IMMP2L: variants seen among roughly 807,000 people sequenced by gnomAD.
The protein encoded by IMMP2L is inner mitochondrial membrane peptidase subunit 2, also known as mitochondrial inner membrane protease subunit 2.
In IMMP2L, 18 loss-of-function variants were observed where a neutral mutation model predicts 19.3. The observed-to-expected ratio is 0.93, with a 90% CI of 0.64 to 1.38. The LOEUF is 1.38. IMMP2L is among the 40% of genes most tolerant of loss of function. The pLI is 0.00. For synonymous variants in IMMP2L, 76 were observed against 73.0 expected (o/e 1.04, Z -0.21); for missense variants, 233 against 218.2 (o/e 1.07, Z -0.43).
In IMMP2L at chr7:111,025,154, C is replaced by T. The variant is rs561872900; in HGVS notation, c.240-61589G>A. 5.5e-4 allele frequency among the ~76,000 whole-genome samples: 84 copies of T among 152,236 alleles called. No individual in the cohort carries two copies. In the East Asian group the frequency reaches 0.014, roughly 25 times the overall value. On this transcript the variant is annotated intron_variant, in intron 3 of 5. Transcript: ENST00000405709. ...TACCACTTCTTAGCTTCCAACACAG[C>T]ACTTTGAACTTTGAACAAACCAGAA... is the stretch of plus-strand genomic sequence containing the variant.
At chr7:111,061,788 A>G (rs1794042220) in intron 3 of IMMP2L, among the ~76,000 whole-genome samples, 1 of 152,224 alleles carries the variant, frequency 6.6e-6, no homozygotes, top group Admixed American at 6.5e-5. Flanking sequence ...CAATGATTTC[A>G]TTGATTTACA....
At chr7:111,222,629 G>A (rs751110787) in intron 3 of IMMP2L, among the ~76,000 whole-genome samples, 13 of 151,668 alleles carry the variant, frequency 8.6e-5, no homozygotes, top group African/African-American at 1.5e-4. Context: ...GATGATATTT[G>A]GATATATTAA....
intron 5 of IMMP2L, among the ~76,000 whole-genome samples, chr7:110,672,354 ACATGT>A (rs1157491317): frequency 6.6e-6 from 1 of 152,084 alleles, no homozygotes; most frequent in African/African-American, 2.4e-5. Context: ...CCCTCCCATG[ACATGT>A]GGGGATTGTG....
At chr7:110,762,561 C>T (rs1042225823) in intron 5 of IMMP2L, among the ~76,000 whole-genome samples, 2 of 152,150 alleles carry the variant, frequency 1.3e-5, no homozygotes, top group African/African-American at 2.4e-5. Flanking sequence ...TGTATTTATC[C>T]TTCACTCTTT....
intron 3 of IMMP2L, among the ~76,000 whole-genome samples, chr7:111,258,995 A>G (rs560126771): frequency 6.6e-6 from 1 of 152,288 alleles, no homozygotes; most frequent in South Asian, 2.1e-4. Flanking sequence ...CATGTAGGCT[A>G]TAAGGTATAG....
intron 5 of IMMP2L, among the ~76,000 whole-genome samples, chr7:110,730,669 C>T (rs777618053): frequency 7.9e-5 from 12 of 152,052 alleles, no homozygotes; most frequent in East Asian, 1.9e-4. Flanking sequence ...GGATTACAGG[C>T]GCCAGCCACC....
chr7:111,204,443 TAC>T (rs1810483312), intron 3 of IMMP2L, among the ~76,000 whole-genome samples: 1 of 152,158 alleles, frequency 6.6e-6, no homozygotes, highest in South Asian at 2.1e-4. Context: ...TAATATGCTG[TAC>T]AGTTTTCCAA....
At chr7:110,842,709 A>T (rs1805218641) in intron 5 of IMMP2L, among the ~76,000 whole-genome samples, 1 of 152,194 alleles carries the variant, frequency 6.6e-6, no homozygotes, top group Admixed American at 6.5e-5. Context: ...GCATTTGCAA[A>T]AGGATAGGCT....
chr7:111,464,947 C>G (rs545269276), intron 3 of IMMP2L, among the ~76,000 whole-genome samples: 4 of 152,204 alleles, frequency 2.6e-5, no homozygotes, highest in Admixed American at 2.0e-4. Flanking sequence ...CGCCACCAGG[C>G]CCGGCTAATT....
chr7:110,929,845 A>G (rs1815273520), intron 4 of IMMP2L, among the ~76,000 whole-genome samples: 6 of 152,200 alleles, frequency 3.9e-5, no homozygotes, highest in Admixed American at 3.9e-4. Context: ...AGAAGGTGCC[A>G]TTTACAAAGA....
At chr7:110,835,538 A>G (rs970282286) in intron 5 of IMMP2L, among the ~76,000 whole-genome samples, 3 of 152,162 alleles carry the variant, frequency 2.0e-5, no homozygotes, top group Non-Finnish European at 4.4e-5. Context: ...AACCAGGAGT[A>G]GCAAAGCCAG....
chr7:110,950,841 C>CATATATATATATATATATAT lies in IMMP2L; in HGVS notation c.305+12639_305+12658dup, dbSNP rs34797718. ...AGATGAATGGATACACAAAATGTGG[C>CATATATATATATATATATAT]ATATATATATATATATATATATATA... On this transcript the variant is annotated intron_variant, in intron 4 of 5. Coordinates refer to ENST00000405709, the MANE Select transcript of IMMP2L (RefSeq NM_032549.4). Among the ~76,000 whole-genome samples, 88 of 100,562 alleles carry CATATATATATATATATATAT rather than the reference C, an allele frequency of 8.8e-4. 1 individual carries two copies. Among genetic ancestry groups the CATATATATATATATATATAT allele is most frequent in the Non-Finnish European group, 1.2e-3 (63 of 52,420 alleles). 66.0% of individuals were successfully genotyped at this position (100,562 alleles called of 152,430 possible). A position where few individuals can be genotyped will look rare whatever the true frequency, so the allele number is the denominator to read the frequency against.
chr7:110,693,607 A>G (rs1793663969), intron 5 of IMMP2L, among the ~76,000 whole-genome samples: 1 of 152,196 alleles, frequency 6.6e-6, no homozygotes, highest in Admixed American at 6.5e-5. Context: ...TGAATAAATA[A>G]GTGAAAGTGC....
chr7:111,094,040 A>G (rs1262108559), intron 3 of IMMP2L, among the ~76,000 whole-genome samples: 1 of 152,158 alleles, frequency 6.6e-6, no homozygotes, highest in Non-Finnish European at 1.5e-5. Flanking sequence ...TGATCAACTT[A>G]TGATGCACTA....
chr7:110,847,062 T>A (rs1805738080), intron 5 of IMMP2L, among the ~76,000 whole-genome samples: 1 of 152,192 alleles, frequency 6.6e-6, no homozygotes, highest in East Asian at 1.9e-4. Flanking sequence ...TTTTGTTATG[T>A]CACATTCTCA....
In IMMP2L at chr7:111,216,953, T is replaced by C. The variant is rs1312679818; in HGVS notation, c.240-253388A>G. Reference sequence around the variant, plus strand: ...AGACATTTTATCAAATGCATGCAAGTGATTTTGCCCATATAAATACTTGAA... The same window carrying C: ...AGACATTTTATCAAATGCATGCAAGCGATTTTGCCCATATAAATACTTGAA... On this transcript the variant is annotated intron_variant, in intron 3 of 5. Transcript: ENST00000405709. 2.6e-5 allele frequency among the ~76,000 whole-genome samples: 4 copies of C among 152,074 alleles called. No individual in the cohort carries two copies. The East Asian group carries it at 7.7e-4, about 29-fold the overall frequency.
intron 3 of IMMP2L, among the ~76,000 whole-genome samples, chr7:111,192,087 T>G (rs1361688833): frequency 6.6e-6 from 1 of 152,138 alleles, no homozygotes; most frequent in Non-Finnish European, 1.5e-5. Context: ...ACTTAGAGTT[T>G]GGGTGATCAA....
chr7:111,484,993 G>A (rs1842508184), intron 3 of IMMP2L, among the ~76,000 whole-genome samples: 1 of 151,942 alleles, frequency 6.6e-6, no homozygotes, highest in Non-Finnish European at 1.5e-5. Context: ...TCACCGTGTT[G>A]CCCAGGCTGG....
intron 3 of IMMP2L, among the ~76,000 whole-genome samples, chr7:111,421,577 T>C (rs568323226): frequency 1.3e-5 from 2 of 151,862 alleles, no homozygotes; most frequent in East Asian, 3.9e-4. Flanking sequence ...GCCTGTTTTT[T>C]TCTTGTAAAT....
Sources: gnomAD v4.1 joint callset for allele counts (sites outside exome capture counted in the v4.1 genomes callset) on GRCh38, gnomAD v4.1.1 for gene constraint, MANE v1.5 for transcripts, NCBI Gene and HGNC (gene_info 2026-07-23, HGNC 2026-07-21) for gene names.